MEF2C: variants seen among roughly 807,000 people sequenced by gnomAD.
The protein encoded by MEF2C is myocyte enhancer factor 2C.
MEF2C carries 6 observed loss-of-function variants against 50.5 expected under a neutral mutation model. That is an observed-to-expected ratio of 0.12 (90% confidence interval 0.07 to 0.23). The LOEUF (loss-of-function observed/expected upper bound fraction) is 0.23, where lower values mean the gene tolerates loss of function less well. MEF2C is among the 10% of genes least tolerant of loss of function. MEF2C has a pLI of 1.00. For synonymous variants in MEF2C, 183 were observed against 228.0 expected, an observed-to-expected ratio of 0.80 and a Z score of 1.78; for missense variants, 276 against 605.0, an observed-to-expected ratio of 0.46 and a Z score of 5.70.
At chr5:88,741,441 C>A (rs1766731459) in intron 6 of MEF2C, 2 of 985,182 alleles carry the variant, frequency 2.0e-6, no homozygotes, top group Non-Finnish European at 1.2e-6. Flanking sequence ...CACATACTTT[C>A]CTTGGTTGTT....
intron 2 of MEF2C, among the ~76,000 whole-genome samples, chr5:88,813,358 G>A (rs1803728804): frequency 1.3e-5 from 2 of 152,116 alleles, no homozygotes; most frequent in Non-Finnish European, 2.9e-5. Context: ...AAGGAGTCCT[G>A]TATCATTTCC....
intron 6 of MEF2C, chr5:88,737,841 A>G: frequency 1.0e-6 from 1 of 985,392 alleles, no homozygotes. Flanking sequence ...TGTAGGCTTT[A>G]TACTAAGCTT....
chr5:88,780,823 CTCAA>C, intron 3 of MEF2C: 1 of 985,390 alleles, frequency 1.0e-6, no homozygotes, highest in African/African-American at 1.7e-5. Context: ...GTCTTGAAAT[CTCAA>C]TCAACCTACC....
At chr5:88,902,626 G>T (rs1835781660) in intron 1 of MEF2C, among the ~76,000 whole-genome samples, 4 of 151,370 alleles carry the variant, frequency 2.6e-5, no homozygotes, top group Admixed American at 2.6e-4. Context: ...AGGTACAGTG[G>T]TCATTAAAAA....
chr5:88,791,131 T>C (rs1057289769), intron 3 of MEF2C, among the ~76,000 whole-genome samples: 1 of 152,200 alleles, frequency 6.6e-6, no homozygotes, highest in African/African-American at 2.4e-5. Context: ...TTTACTTAGA[T>C]GATATCAATG....
chr5:88,772,121 C>T (rs1470103220), intron 3 of MEF2C: 2 of 152,228 alleles, frequency 1.3e-5, no homozygotes, highest in African/African-American at 4.8e-5. Flanking sequence ...ATGTACTTTA[C>T]AGAATATCTG....
chr5:88,753,508 G>C (rs1773815908), intron 4 of MEF2C, among the ~76,000 whole-genome samples: 1 of 152,188 alleles, frequency 6.6e-6, no homozygotes, highest in Admixed American at 6.5e-5. Context: ...TGATTCTGCT[G>C]CCTCTGCCTC....
chr5:88,780,233 C>T lies in MEF2C; in HGVS notation c.259-18905G>A, dbSNP rs180940441. Among the ~76,000 whole-genome samples the T allele has an allele frequency of 2.6e-3, 388 of 152,144 alleles. 1 individual carries two copies. Among genetic ancestry groups the T allele is most frequent in the African/African-American group, 9.0e-3 (375 of 41,520 alleles). ...AAAATCTCTTGTATTTGTACAAACG[C>T]AATTGTGGAAAACACTGAAATATTT... On this transcript the variant is annotated intron_variant, in intron 3 of 10. Coordinates refer to ENST00000504921, the MANE Select transcript of MEF2C (RefSeq NM_002397.5).
intron 3 of MEF2C, among the ~76,000 whole-genome samples, 159 bp from the exon 4 acceptor site, chr5:88,761,487 C>A (rs1398810683): frequency 6.6e-6 from 1 of 152,146 alleles, no homozygotes; most frequent in African/African-American, 2.4e-5. Context: ...TCATTTCAAT[C>A]GAGTGCTCAT....
intron 3 of MEF2C, among the ~76,000 whole-genome samples, chr5:88,773,820 G>C (rs1783532090): frequency 6.6e-6 from 1 of 152,206 alleles, no homozygotes; most frequent in Non-Finnish European, 1.5e-5. Flanking sequence ...AGCAGTCTTG[G>C]TCTCTAGTCT....
At chr5:88,758,084 C>T (rs1268816736) in intron 4 of MEF2C, among the ~76,000 whole-genome samples, 1 of 152,136 alleles carries the variant, frequency 6.6e-6, no homozygotes, top group Non-Finnish European at 1.5e-5. Flanking sequence ...ATTCTATCTC[C>T]ATTGTACCTG....
At chr5:88,726,185 C>T (rs780457977) in intron 10 of MEF2C, among the ~76,000 whole-genome samples, 1 of 152,066 alleles carries the variant, frequency 6.6e-6, no homozygotes, top group Non-Finnish European at 1.5e-5. Context: ...ATTGTGGTAA[C>T]CATCTTGGGC....
chr5:88,885,514 G>A (rs1251287120), upstream of MEF2C, among the ~76,000 whole-genome samples: 2 of 151,602 alleles, frequency 1.3e-5, no homozygotes, highest in Non-Finnish European at 3.0e-5. Flanking sequence ...TTTGTTTGCC[G>A]GTTTTTCAAA....
At chr5:88,805,962 C>T (rs547657633) in intron 2 of MEF2C, among the ~76,000 whole-genome samples, 1 of 145,360 alleles carries the variant, frequency 6.9e-6, no homozygotes, top group Non-Finnish European at 1.5e-5. Context: ...CTATAAAATA[C>T]TCCTTAAGAA....
intron 1 of MEF2C, chr5:88,843,408 C>A (rs1293955132): frequency 5.2e-5 from 51 of 984,958 alleles, no homozygotes; most frequent in Non-Finnish European, 6.1e-5. Context: ...CTAAAAAAAT[C>A]AATCTATCTT....
At chr5:88,842,594 C>A (rs891478205) in intron 1 of MEF2C, among the ~76,000 whole-genome samples, 3 of 150,656 alleles carry the variant, frequency 2.0e-5, no homozygotes, top group Non-Finnish European at 3.0e-5. Context: ...AGAATTCATT[C>A]AACAGCCACA....
intron 3 of MEF2C, among the ~76,000 whole-genome samples, chr5:88,796,372 T>A (rs1169514020): frequency 2.6e-5 from 4 of 152,092 alleles, no homozygotes; most frequent in Non-Finnish European, 4.4e-5. Context: ...CTTGGGAGGG[T>A]GTGTGTGTCC....
intron 6 of MEF2C, chr5:88,739,499 T>C: frequency 1.0e-6 from 1 of 972,854 alleles, no homozygotes; most frequent in Non-Finnish European, 1.2e-6. Flanking sequence ...AGGATATTGT[T>C]TTGTGCCTCA....
intron 1 of MEF2C, among the ~76,000 whole-genome samples, chr5:88,854,946 T>C (rs1251014079): frequency 6.6e-6 from 1 of 152,180 alleles, no homozygotes; most frequent in African/African-American, 2.4e-5. Context: ...TTCATTCTAA[T>C]TTTAGTATTT....
Sources: gnomAD v4.1 joint callset for allele counts (sites outside exome capture counted in the v4.1 genomes callset) on GRCh38, gnomAD v4.1.1 for gene constraint, MANE v1.5 for transcripts, NCBI Gene and HGNC (gene_info 2026-07-23, HGNC 2026-07-21) for gene names.